The following ZBTB20 variants were observed in gnomAD, a reference collection of about 807,000 sequenced individuals.
ZBTB20 encodes zinc finger and BTB domain containing 20, also known as zinc finger and BTB domain-containing protein 20.
A neutral mutation model predicts 56.9 loss-of-function variants in ZBTB20; 9 were observed. The observed-to-expected ratio is 0.16, with a 90% CI of 0.10 to 0.28. The LOEUF is 0.28. ZBTB20 is among the 10% of genes least tolerant of loss of function. The pLI, the probability that ZBTB20 is intolerant of heterozygous loss-of-function variation, is 1.00. For missense variants in ZBTB20, 655 were observed against 1,003.0 expected (o/e 0.65, Z 4.69); for synonymous variants, 417 against 420.7 (o/e 0.99, Z 0.11).
intron 4 of ZBTB20, among the ~76,000 whole-genome samples, chr3:114,806,245 C>T (rs2072094290): frequency 6.6e-6 from 1 of 151,884 alleles, no homozygotes; most frequent in Non-Finnish European, 1.5e-5. Flanking sequence ...TCTTTATCTT[C>T]CAACACTTGT....
At chr3:115,098,975 G>C (rs2083479824) in intron 1 of ZBTB20, among the ~76,000 whole-genome samples, 1 of 152,110 alleles carries the variant, frequency 6.6e-6, no homozygotes, top group Admixed American at 6.5e-5. Context: ...GTGTATCTAT[G>C]TGACTTAAAT....
At chr3:115,006,704 G>A (rs1266455851) in intron 2 of ZBTB20, among the ~76,000 whole-genome samples, 1 of 151,634 alleles carries the variant, frequency 6.6e-6, no homozygotes, top group Non-Finnish European at 1.5e-5. Flanking sequence ...TGGCACCTGA[G>A]CCTCTTCTAC....
chr3:115,135,133 T>C (rs1266005010), intron 1 of ZBTB20, among the ~76,000 whole-genome samples: 2 of 152,216 alleles, frequency 1.3e-5, no homozygotes, highest in African/African-American at 2.4e-5. Context: ...TCCAGCACCA[T>C]TCTCCAGTTG....
At chr3:114,728,788 C>T (rs1244259068) in intron 5 of ZBTB20, among the ~76,000 whole-genome samples, 1 of 152,146 alleles carries the variant, frequency 6.6e-6, no homozygotes, top group Non-Finnish European at 1.5e-5. Flanking sequence ...TTATTTCATT[C>T]ATGTAGAATA....
At chr3:115,138,268 T>C (rs1346510662) in intron 1 of ZBTB20, among the ~76,000 whole-genome samples, 2 of 152,074 alleles carry the variant, frequency 1.3e-5, no homozygotes, top group African/African-American at 2.4e-5. Context: ...TGCTTTAACA[T>C]GGTACCCAGC....
chr3:114,876,602 T>A (rs962433798), intron 4 of ZBTB20: 4 of 152,236 alleles, frequency 2.6e-5, no homozygotes, highest in Non-Finnish European at 5.9e-5. Flanking sequence ...TAGTAATTAT[T>A]GTTTCCATCA....
chr3:114,563,055 T>C (rs1320108434), intron 6 of ZBTB20, among the ~76,000 whole-genome samples: 1 of 152,120 alleles, frequency 6.6e-6, no homozygotes, highest in Non-Finnish European at 1.5e-5. Context: ...GCCAACAGAC[T>C]CAATACAGGG....
chr3:115,132,558 T>C (rs1321549687), intron 1 of ZBTB20, among the ~76,000 whole-genome samples: 1 of 152,236 alleles, frequency 6.6e-6, no homozygotes, highest in Non-Finnish European at 1.5e-5. Flanking sequence ...ATAATTGTGA[T>C]GGTTCCTTGT....
chr3:114,991,676 G>A (rs1435244768), intron 2 of ZBTB20, among the ~76,000 whole-genome samples: 6 of 152,032 alleles, frequency 3.9e-5, no homozygotes, highest in South Asian at 2.1e-4. Context: ...TTTCTGTCTC[G>A]TTGATCTGTC....
At chr3:115,005,148 C>A (rs927801694) in intron 2 of ZBTB20, among the ~76,000 whole-genome samples, 109 of 151,828 alleles carry the variant, frequency 7.2e-4, no homozygotes, top group African/African-American at 2.4e-3. Context: ...CAATTCTTCA[C>A]TTTTAAATTA....
intron 2 of ZBTB20, among the ~76,000 whole-genome samples, chr3:115,052,210 G>C (rs1039598615): frequency 6.6e-6 from 1 of 152,136 alleles, no homozygotes; most frequent in Non-Finnish European, 1.5e-5. Context: ...TGTAATCCCA[G>C]CACTTTAGGA....
chr3:115,047,422 G>A (rs905220765), intron 2 of ZBTB20, among the ~76,000 whole-genome samples: 13 of 152,246 alleles, frequency 8.5e-5, no homozygotes, highest in African/African-American at 3.1e-4. Context: ...CTGATTGTAC[G>A]AAATCCTCAC....
intron 1 of ZBTB20, among the ~76,000 whole-genome samples, chr3:115,090,507 T>C (rs1207886536): frequency 6.6e-6 from 1 of 151,670 alleles, no homozygotes; most frequent in Non-Finnish European, 1.5e-5. Flanking sequence ...GGTTTCAAAA[T>C]CAAAATGGGA....
intron 7 of ZBTB20, among the ~76,000 whole-genome samples, chr3:114,498,163 T>C (rs1444468422): frequency 1.3e-5 from 2 of 152,160 alleles, no homozygotes; most frequent in African/African-American, 4.8e-5. Context: ...GTTTCCCAAA[T>C]AAGGTAAGTC....
intron 5 of ZBTB20, among the ~76,000 whole-genome samples, chr3:114,711,105 C>T (rs2064044013): frequency 6.6e-6 from 1 of 152,162 alleles, no homozygotes; most frequent in African/African-American, 2.4e-5. Context: ...TACCCTATTT[C>T]AAATAGCACT....
intron 4 of ZBTB20, among the ~76,000 whole-genome samples, chr3:114,896,756 A>G (rs2074899103): frequency 6.6e-6 from 1 of 152,154 alleles, no homozygotes; most frequent in Non-Finnish European, 1.5e-5. Context: ...TAGTTAAGAT[A>G]GTAAACTTCA....
chr3:115,085,089 A>G (rs1157438377), intron 1 of ZBTB20, among the ~76,000 whole-genome samples: 1 of 151,954 alleles, frequency 6.6e-6, no homozygotes, highest in Non-Finnish European at 1.5e-5. Flanking sequence ...TTGCCCTCCA[A>G]TCGGTGAAAT....
chr3:114,709,759 G>A (rs983560440), intron 5 of ZBTB20, among the ~76,000 whole-genome samples: 8 of 152,180 alleles, frequency 5.3e-5, no homozygotes, highest in African/African-American at 1.7e-4. Flanking sequence ...TACTGGGGAA[G>A]TTCAAATCCC....
intron 3 of ZBTB20, among the ~76,000 whole-genome samples, chr3:114,919,118 AAAC>A (rs1329629073): frequency 1.3e-5 from 2 of 152,220 alleles, no homozygotes; most frequent in African/African-American, 4.8e-5. Context: ...AAAATATCAA[AAAC>A]AACTATAGCT....
Sources: allele counts gnomAD v4.1 joint callset (sites outside exome capture counted in the v4.1 genomes callset), GRCh38; gene constraint gnomAD v4.1.1; transcripts MANE v1.5; gene names NCBI Gene and HGNC (gene_info 2026-07-23, HGNC 2026-07-21).